Variants in IQSEC3 observed in about 807,000 individuals in gnomAD.
IQSEC3 encodes the protein IQ motif and Sec7 domain ArfGEF 3.
In IQSEC3, 50 loss-of-function variants were observed where a neutral mutation model predicts 105.4. That is an observed-to-expected ratio of 0.47 (90% confidence interval 0.38 to 0.60). IQSEC3 has a LOEUF of 0.60. IQSEC3 is among the 20% of genes least tolerant of loss of function. The pLI, the probability that IQSEC3 is intolerant of heterozygous loss-of-function variation, is 0.00. For missense variants in IQSEC3, 1,415 were observed against 1,630.0 expected (o/e 0.87, Z 2.27); for synonymous variants, 708 against 746.0 (o/e 0.95, Z 0.83).
At position 174,642 on chromosome 12, in the gene IQSEC3, G is replaced by A; in HGVS notation, c.3158G>A (p.Gly1053Glu). 1.3e-6 allele frequency: 2 copies of A among 1,579,982 alleles called. No individual in the cohort carries two copies. The highest frequency in any genetic ancestry group is 1.1e-5 in the South Asian group (1 of 88,562). Residue 1053 changes from glycine to glutamate, a missense_variant, in exon 14 of 14, where the codon GGG becomes GAG. By Grantham distance (98) the Gly-to-Glu change is moderately conservative. This residue lies in a region of IQSEC3 where 419 missense variants were observed against 436.2 expected (regional missense o/e 0.96). Transcript: ENST00000538872. ...CTTCAAACGTCCCAGCACAACTCCG[G>A]GCTGGGGGCCGAGAGGGGAGCGCCG... ...NRLQTSQHNSGLGAERGAPVP... is the reference protein window; with the variant it reads ...NRLQTSQHNSELGAERGAPVP...
At chr12:143,211 T>TGGGCTGG (rs1866106038) in intron 5 of IQSEC3, 1 of 152,466 alleles carries the variant, frequency 6.6e-6, no homozygotes, top group South Asian at 2.1e-4. Context: ...GGAGGGGAGC[T>TGGGCTGG]GGGCTGGGGG....
At chr12:139,428 TC>T in intron 4 of IQSEC3, 74 bp downstream of exon 4, 1 of 1,286,664 alleles carries the variant, frequency 7.8e-7, no homozygotes, top group Non-Finnish European at 1.1e-6. Context: ...GCACCTTCCC[TC>T]CACCAAGCAG....
At chr12:167,457 G>A (rs979480321) in intron 11 of IQSEC3, 1 of 152,032 alleles carries the variant, frequency 6.6e-6, no homozygotes, top group Non-Finnish European at 1.5e-5. Flanking sequence ...TGCCTCAAGG[G>A]TAAAAGAGCA....
At chr12:87,091 A>G (rs1038066682) in intron 1 of IQSEC3, among the ~76,000 whole-genome samples, 2 of 152,036 alleles carry the variant, frequency 1.3e-5, no homozygotes, top group Non-Finnish European at 1.5e-5. Context: ...CAAAATAACA[A>G]AACAGATCTC....
intron 2 of IQSEC3, 100 bp from the exon 3 acceptor site, chr12:125,533 A>T: frequency 3.2e-6 from 4 of 1,236,812 alleles, no homozygotes; most frequent in Non-Finnish European, 4.2e-6. Context: ...TGCCACAGGA[A>T]AGGCAGGCCA....
chr12:90,343 A>G (rs1864043067), intron 1 of IQSEC3, among the ~76,000 whole-genome samples: 1 of 152,222 alleles, frequency 6.6e-6, no homozygotes, highest in Admixed American at 6.5e-5. Context: ...AATGAAGGCT[A>G]ACTTAGCAAT....
At chr12:135,792 C>G (rs1555086223) in intron 3 of IQSEC3, among the ~76,000 whole-genome samples, 1 of 152,166 alleles carries the variant, frequency 6.6e-6, no homozygotes, top group African/African-American at 2.4e-5. Flanking sequence ...GGCCTAAGTC[C>G]TGTGATTACA....
intron 5 of IQSEC3, among the ~76,000 whole-genome samples, chr12:145,361 A>G (rs1866219059): frequency 6.6e-6 from 1 of 151,630 alleles, no homozygotes; most frequent in Admixed American, 6.6e-5. Flanking sequence ...TGCAACTTGA[A>G]CTCCCGGGCC....
At chr12:157,960 A>G (rs1866753939) in intron 7 of IQSEC3, among the ~76,000 whole-genome samples, 1 of 152,238 alleles carries the variant, frequency 6.6e-6, no homozygotes, top group Admixed American at 6.5e-5. Flanking sequence ...GTTGGCCTCT[A>G]GGCCCCTGAC....
chr12:121,029 G>A (rs1404477162), intron 2 of IQSEC3, among the ~76,000 whole-genome samples: 1 of 152,180 alleles, frequency 6.6e-6, no homozygotes. Flanking sequence ...TAAGAGAGTG[G>A]AGAGCCCCAG....
intron 2 of IQSEC3, among the ~76,000 whole-genome samples, chr12:110,923 T>C (rs1864861858): frequency 6.6e-6 from 1 of 152,184 alleles, no homozygotes; most frequent in Non-Finnish European, 1.5e-5. Context: ...CTCAATGTCC[T>C]TCTTACATTG....
At chr12:134,727 T>G (rs1241962225) in intron 3 of IQSEC3, among the ~76,000 whole-genome samples, 1 of 149,122 alleles carries the variant, frequency 6.7e-6, no homozygotes, top group Non-Finnish European at 1.5e-5. Context: ...AAACTCTGTC[T>G]CTACTAAAAA....
At chr12:80,213 C>G (rs1321407382) in intron 1 of IQSEC3, among the ~76,000 whole-genome samples, 1 of 152,228 alleles carries the variant, frequency 6.6e-6, no homozygotes, top group African/African-American at 2.4e-5. Context: ...AGACATGGGT[C>G]AGTTGCAGCA....
In IQSEC3 at chr12:125,111, C is replaced by T. The variant is rs150621480; in HGVS notation, c.624-522C>T. 7.3e-5 allele frequency among the ~76,000 whole-genome samples: 10 copies of T among 137,128 alleles called. No homozygotes were observed. The East Asian group carries it at 2.0e-3, about 27-fold the overall frequency. The allele number at this position is 137,128 out of a possible 152,430, so 90.0% of individuals were successfully genotyped here. ...GCTGGCTTAGTGTAGATCAGCTTCC[C>T]CAGCCACCTGAGCCTGTGCCCAAGG... On this transcript the variant is annotated intron_variant, in intron 2 of 13. Coordinates refer to ENST00000538872, the MANE Select transcript of IQSEC3 (RefSeq NM_001170738.2).
At chr12:132,647 A>G (rs1865638546) in intron 3 of IQSEC3, among the ~76,000 whole-genome samples, 1 of 152,194 alleles carries the variant, frequency 6.6e-6, no homozygotes, top group Non-Finnish European at 1.5e-5. Context: ...CACAGTGGAC[A>G]GGGCAAACGA....
intron 1 of IQSEC3, among the ~76,000 whole-genome samples, chr12:75,872 C>T (rs192669940): frequency 5.8e-4 from 88 of 152,338 alleles, no homozygotes; most frequent in African/African-American, 1.6e-3. Flanking sequence ...TGAGCCCATG[C>T]GGAAAGCTGC....
At chr12:115,479 C>T (rs11064555) in intron 2 of IQSEC3, among the ~76,000 whole-genome samples, 4 of 152,024 alleles carry the variant, frequency 2.6e-5, no homozygotes, top group Non-Finnish European at 4.4e-5. Context: ...CAGGGCTCCG[C>T]GAGGGAGCTA....
At chr12:150,522 C>A (rs1380583548) in intron 5 of IQSEC3, among the ~76,000 whole-genome samples, 4 of 152,082 alleles carry the variant, frequency 2.6e-5, no homozygotes, top group Non-Finnish European at 5.9e-5. Flanking sequence ...GGATGAGGGG[C>A]TCCTCCAGAG....
At chr12:81,193 G>T (rs1294967895) in intron 1 of IQSEC3, among the ~76,000 whole-genome samples, 2 of 152,216 alleles carry the variant, frequency 1.3e-5, no homozygotes, top group East Asian at 3.8e-4. Context: ...ACATCCTGCA[G>T]TGTGTGGGAC....
Sources: allele counts gnomAD v4.1 joint callset (sites outside exome capture counted in the v4.1 genomes callset), GRCh38; gene constraint gnomAD v4.1.1; regional missense constraint gnomAD v4.1.1; transcripts MANE v1.5; gene names NCBI Gene and HGNC (gene_info 2026-07-23, HGNC 2026-07-21).